MS4A4E: variants seen among roughly 807,000 people sequenced by gnomAD.
MS4A4E encodes membrane spanning 4-domains A4E, also known as putative membrane-spanning 4-domains subfamily A member 4E.
MS4A4E carries 23 observed loss-of-function variants against 13.3 expected under a neutral mutation model. The observed-to-expected ratio is 1.73, with a 90% CI of 1.25 to 2.45. The LOEUF (loss-of-function observed/expected upper bound fraction) is 2.45, where lower values mean the gene tolerates loss of function less well. Among genes scored for constraint, MS4A4E ranks in the 30% most tolerant of loss-of-function variants. MS4A4E has a pLI of 0.00. For synonymous variants in MS4A4E, 36 were observed against 45.6 expected (o/e 0.79, Z 0.85); for missense variants, 144 against 131.2 (o/e 1.10, Z -0.48).
At chr11:60,212,444 G>A (rs2084134691) in intron 5 of MS4A4E, among the ~76,000 whole-genome samples, 1 of 151,944 alleles carries the variant, frequency 6.6e-6, no homozygotes, top group East Asian at 1.9e-4. Flanking sequence ...CGAGTAGCTG[G>A]AACTACAGGT....
intron 8 of MS4A4E, among the ~76,000 whole-genome samples, chr11:60,202,973 C>G (rs1398751290): frequency 6.6e-6 from 1 of 152,156 alleles, no homozygotes; most frequent in African/African-American, 2.4e-5. Context: ...ATTCCCACTT[C>G]TAAAACTTCA....
chr11:60,214,486 A>G, intron 4 of MS4A4E, 85 bp downstream of exon 4: 1 of 1,004,476 alleles, frequency 1.0e-6, no homozygotes, highest in Non-Finnish European at 1.4e-6. Context: ...TTAAAAACAA[A>G]CAAACAAAAC....
At chr11:60,228,653 T>C (rs906855454) in intron 2 of MS4A4E, 26 bp from the exon 3 acceptor site, 11 of 694,852 alleles carry the variant, frequency 1.6e-5, no homozygotes, top group Non-Finnish European at 2.1e-5. Context: ...TATAGCAACG[T>C]TACTCCTAAT....
rs1283037264 is a variant in MS4A4E, at chr11:60,200,869, G to A, written c.*674C>T. Among the ~76,000 whole-genome samples the A allele has an allele frequency of 3.0e-4, 46 of 151,486 alleles. No individual in the cohort carries two copies. The highest frequency in any genetic ancestry group is 1.1e-3 in the African/African-American group (46 of 40,886). ...TCCTCACTTCCCAGTAGGGGCGGCT[G>A]GGCAGAGGCACCCCTCACCTCCCGG... On this transcript the variant is annotated 3_prime_UTR_variant, in exon 9 of 9. Transcript: ENST00000651255.
rs189401929 is a variant in MS4A4E at position 60,235,540 on chromosome 11, G to A, written c.-16-5469C>T. On this transcript the variant is annotated intron_variant, in intron 1 of 8. Coordinates refer to ENST00000651255, the MANE Select transcript of MS4A4E (RefSeq NM_001393391.1). ...GATTAGCGACTACTTGTAGGGTTGT[G>A]AAATAATCTCCACATACTGTCCCTT... 3.3e-5 allele frequency among the ~76,000 whole-genome samples: 5 copies of A among 152,302 alleles called. No individual in the cohort carries two copies. The East Asian group carries it at 9.6e-4, about 29-fold the overall frequency.
intron 3 of MS4A4E, among the ~76,000 whole-genome samples, chr11:60,222,915 T>C (rs182817549): frequency 3.3e-5 from 5 of 152,064 alleles, no homozygotes; most frequent in Non-Finnish European, 7.4e-5. Flanking sequence ...ATACAGGAGA[T>C]CCCTTAGGGT....
chr11:60,226,903 ACTC>A (rs1327428848), intron 3 of MS4A4E, among the ~76,000 whole-genome samples: 8 of 152,214 alleles, frequency 5.3e-5, no homozygotes, highest in Non-Finnish European at 7.4e-5. Context: ...TCAACCAAAA[ACTC>A]CTGGAATTAA....
Position 60,232,759 on chromosome 11 carries a change from C to T in MS4A4E, c.-16-2688G>A, listed in dbSNP as rs538204088. On this transcript the variant is annotated intron_variant, in intron 1 of 8. Transcript: ENST00000651255. ...GAATCACTGGCTAGAGTGCATTCTGCTTCAGGAGTGAGTAGCCATTGCACC... is the reference window on the plus strand; with the variant it reads ...GAATCACTGGCTAGAGTGCATTCTGTTTCAGGAGTGAGTAGCCATTGCACC... Among the ~76,000 whole-genome samples the T allele has an allele frequency of 7.2e-5, 11 of 152,274 alleles. No homozygotes were observed. The South Asian group carries it at 2.1e-3, about 29-fold the overall frequency.
In MS4A4E at chr11:60,217,361, G is replaced by A. The variant is rs139621308; in HGVS notation, c.179-2747C>T. ...CCTGCAACTTGGAATGGGGATGTGC[G>A]GTAGAACCTTGATGAAGCTGGGGAC... On this transcript the variant is annotated intron_variant, in intron 3 of 8. Transcript: ENST00000651255. 3.0e-4 allele frequency among the ~76,000 whole-genome samples: 46 copies of A among 152,252 alleles called. 1 individual carries two copies. The highest frequency in any genetic ancestry group is 1.0e-3 in the African/African-American group (42 of 41,526).
chr11:60,225,087 G>C (rs757811258), intron 3 of MS4A4E: 2 of 1,545,248 alleles, frequency 1.3e-6, no homozygotes. Flanking sequence ...ATCAGAATCC[G>C]CACAACCTAG....
chr11:60,238,061 T>C (rs1297064120), intron 1 of MS4A4E, among the ~76,000 whole-genome samples: 2 of 151,756 alleles, frequency 1.3e-5, no homozygotes, highest in Non-Finnish European at 2.9e-5. Context: ...CTTTTTTACA[T>C]GTTGCCGAAT....
intron 3 of MS4A4E, among the ~76,000 whole-genome samples, chr11:60,223,926 G>A (rs2084308408): frequency 1.3e-5 from 2 of 151,972 alleles, no homozygotes; most frequent in African/African-American, 4.8e-5. Flanking sequence ...TATTAGTTAT[G>A]TCCCTCTAGA....
rs1220181537 is a variant in MS4A4E, at chr11:60,200,475, A to T, written c.*1068T>A. On this transcript the variant is annotated 3_prime_UTR_variant, in exon 9 of 9. Transcript: ENST00000651255. ...TTTGTGTCCCTGGGTACTTGAGATTAGGGAGTGGTGATGACTCTTAACGAG... is the reference window on the plus strand; with the variant it reads ...TTTGTGTCCCTGGGTACTTGAGATTTGGGAGTGGTGATGACTCTTAACGAG... Among the ~76,000 whole-genome samples, 3 of 152,096 alleles carry T rather than the reference A, an allele frequency of 2.0e-5. No individual in the cohort carries two copies. Among genetic ancestry groups the T allele is most frequent in the African/African-American group, 7.2e-5 (3 of 41,382 alleles).
intron 6 of MS4A4E, among the ~76,000 whole-genome samples, chr11:60,206,183 G>A (rs1331774166): frequency 6.6e-6 from 1 of 152,052 alleles, no homozygotes; most frequent in Non-Finnish European, 1.5e-5. Context: ...CAGAAAAAAA[G>A]TCAAGTAAGT....
At chr11:60,210,800 A>G (rs997257183) in intron 5 of MS4A4E, among the ~76,000 whole-genome samples, 4 of 152,218 alleles carry the variant, frequency 2.6e-5, no homozygotes, top group African/African-American at 9.6e-5. Flanking sequence ...TTCAAATTCC[A>G]GAAAGCTCTT....
At chr11:60,217,577 G>A (rs564103909) in intron 3 of MS4A4E, among the ~76,000 whole-genome samples, 1 of 152,286 alleles carries the variant, frequency 6.6e-6, no homozygotes, top group South Asian at 2.1e-4. Flanking sequence ...CAAACGGAGG[G>A]ACCGGCTGAA....
At chr11:60,233,323 TGCTCCCCAGA>T (rs2084437316) in intron 1 of MS4A4E, among the ~76,000 whole-genome samples, 1 of 152,150 alleles carries the variant, frequency 6.6e-6, no homozygotes, top group African/African-American at 2.4e-5. Flanking sequence ...AACAGTAACC[TGCTCCCCAGA>T]GCTCAAGCCT....
At chr11:60,204,469 T>C (rs1263417917) in intron 8 of MS4A4E, among the ~76,000 whole-genome samples, 2 of 152,202 alleles carry the variant, frequency 1.3e-5, no homozygotes, top group Non-Finnish European at 2.9e-5. Context: ...GAAAAATTAA[T>C]TGTGTGAATG....
chr11:60,225,978 A>G (rs1001468762), intron 3 of MS4A4E, among the ~76,000 whole-genome samples: 38 of 151,986 alleles, frequency 2.5e-4, no homozygotes, highest in Non-Finnish European at 1.0e-4. Context: ...GAATATCACT[A>G]CAGTTCCCAT....
Sources: allele counts gnomAD v4.1 joint callset (sites outside exome capture counted in the v4.1 genomes callset), GRCh38; gene constraint gnomAD v4.1.1; transcripts MANE v1.5; gene names NCBI Gene and HGNC (gene_info 2026-07-23, HGNC 2026-07-21).